Variants in SACS observed in about 807,000 individuals in gnomAD.
SACS encodes the protein sacsin molecular chaperone, also known as sacsin.
A neutral mutation model predicts 348.0 loss-of-function variants in SACS; 197 were observed. That is an observed-to-expected ratio of 0.57 (90% CI 0.50 to 0.64). The LOEUF (loss-of-function observed/expected upper bound fraction) is 0.64. Ranked by LOEUF, SACS falls within the 30% of genes least tolerant of loss-of-function variation. The pLI is 0.00. For synonymous variants in SACS, 1,985 were observed against 1,910.6 expected (o/e 1.04, Z -1.02); for missense variants, 4,999 against 5,360.8 (o/e 0.93, Z 2.11).
intron 5 of SACS, among the ~76,000 whole-genome samples, chr13:23,366,109 A>G (rs976411822): frequency 1.3e-5 from 2 of 152,168 alleles, no homozygotes; most frequent in African/African-American, 4.8e-5. Context: ...GAGCTTTTTT[A>G]CTTCCCCAGA....
At chr13:23,422,327 T>TGG (rs1873985753) in intron 1 of SACS, among the ~76,000 whole-genome samples, 6 of 152,220 alleles carry the variant, frequency 3.9e-5, no homozygotes, top group African/African-American at 1.4e-4. Context: ...GAATGTAACC[T>TGG]GTGTTTTTAT....
At chr13:23,403,483 G>A (rs1404960016) in intron 2 of SACS, among the ~76,000 whole-genome samples, 2 of 152,118 alleles carry the variant, frequency 1.3e-5, no homozygotes. Flanking sequence ...TCTTGGGAGG[G>A]TGTATATGTC....
At chr13:23,348,592 T>C (rs1423973316) in intron 9 of SACS, among the ~76,000 whole-genome samples, 4 of 152,186 alleles carry the variant, frequency 2.6e-5, no homozygotes, top group Non-Finnish European at 5.9e-5. Context: ...ATATGGACTA[T>C]GTACTGGGTT....
intron 2 of SACS, among the ~76,000 whole-genome samples, chr13:23,401,750 G>GCAAT (rs1162711312): frequency 2.6e-5 from 4 of 152,182 alleles, no homozygotes; most frequent in African/African-American, 9.7e-5. Flanking sequence ...AGAAGCATCT[G>GCAAT]CAATCACAGG....
At chr13:23,367,234 G>A (rs957534993) in intron 5 of SACS, among the ~76,000 whole-genome samples, 2 of 152,014 alleles carry the variant, frequency 1.3e-5, no homozygotes, top group South Asian at 2.1e-4. Flanking sequence ...TTTTGAATTC[G>A]CTTTCTGTGA....
intron 7 of SACS, among the ~76,000 whole-genome samples, chr13:23,357,599 T>A (rs1219577623): frequency 6.6e-6 from 1 of 152,214 alleles, no homozygotes; most frequent in Non-Finnish European, 1.5e-5. Flanking sequence ...CTGTGCAATC[T>A]TTCCTTCTCC....
chr13:23,416,927 A>G (rs1343805837), intron 1 of SACS, among the ~76,000 whole-genome samples: 1 of 152,130 alleles, frequency 6.6e-6, no homozygotes, highest in Non-Finnish European at 1.5e-5. Context: ...AGGGGAAGGA[A>G]GAGGGGAACA....
At chr13:23,380,241 G>A (rs1380722510) in intron 2 of SACS, among the ~76,000 whole-genome samples, 1 of 151,852 alleles carries the variant, frequency 6.6e-6, no homozygotes, top group Non-Finnish European at 1.5e-5. Flanking sequence ...ATGCTGACTG[G>A]GCAGCTGTCA....
chr13:23,374,102 T>TA (rs1871591577), intron 3 of SACS: 1 of 152,186 alleles, frequency 6.6e-6, no homozygotes, highest in Non-Finnish European at 1.5e-5. Context: ...CTGAACTCTT[T>TA]AAAAAAGTAA....
At chr13:23,391,693 T>C (rs1392703563) in intron 2 of SACS, among the ~76,000 whole-genome samples, 3 of 152,140 alleles carry the variant, frequency 2.0e-5, no homozygotes, top group Non-Finnish European at 4.4e-5. Context: ...GTTTCCCCCT[T>C]TGCACATAAA....
At chr13:23,387,662 T>A (rs1872352087) in intron 2 of SACS, among the ~76,000 whole-genome samples, 1 of 152,062 alleles carries the variant, frequency 6.6e-6, no homozygotes. Context: ...GCCATTCACC[T>A]GTGTAGGGTG....
chr13:23,426,872 G>C (rs1408413398), intron 1 of SACS: 2 of 152,118 alleles, frequency 1.3e-5, no homozygotes, highest in Non-Finnish European at 2.9e-5. Flanking sequence ...GCAGTTCCTG[G>C]GTTGAGTTTT....
At chr13:23,362,025 T>C (rs1454637996) in intron 6 of SACS, among the ~76,000 whole-genome samples, 6 of 152,346 alleles carry the variant, frequency 3.9e-5, no homozygotes, top group African/African-American at 1.4e-4. Flanking sequence ...CAGAAGTTGC[T>C]TATTGGAAAT....
intron 1 of SACS, among the ~76,000 whole-genome samples, chr13:23,412,318 A>G (rs1416377907): frequency 1.3e-5 from 2 of 151,358 alleles, no homozygotes; most frequent in African/African-American, 4.9e-5. Context: ...TGTTCCCTCT[A>G]TTTCTCTGAC....
In SACS at chr13:23,339,474, G is replaced by A. The variant is rs1868990854; in HGVS notation, c.4402C>T (p.Leu1468=). The change falls in exon 10 of 10, where the codon CTG becomes TTG. Residue 1468 remains leucine (L), a synonymous_variant. Coordinates refer to ENST00000382292, the MANE Select transcript of SACS (RefSeq NM_014363.6). ...TCTGACACTGAAGGGTATTCTTCCA[G>A]AATATTTTTAATTCTTACAGTAAGT... is the stretch of plus-strand genomic sequence containing the variant. The part of the protein sequence containing the change: ...EPLTVRIKNI[L]EEYPSVSDIF... The A allele has an allele frequency of 6.2e-7, 1 of 1,605,550 alleles. No homozygotes were observed.
At position 23,337,677 on chromosome 13, in the gene SACS, C is replaced by A. The variant is rs1398034781; in HGVS notation, c.6199G>T (p.Glu2067Ter). The change falls in exon 10 of 10, where the codon GAA (glutamate) becomes TAA (stop). Residue 2067 changes from glutamate to a stop codon, truncating the protein, a stop_gained. Transcript: ENST00000382292. LOFTEE classifies it high-confidence loss of function. ...FSEVFFPNIQ[E>*]IEAELRDPLM... ...GGATCTCTAAGTTCTGCTTCAATTT[C>A]TTGAATATTTGGAAAAAACACTTCA... The A allele has an allele frequency of 6.2e-7, 1 of 1,612,982 alleles. No individual in the cohort carries two copies. The highest frequency in any genetic ancestry group is 8.5e-7 in the Non-Finnish European group (1 of 1,179,762).
rs1396758480 is a variant in SACS at position 23,371,111 on chromosome 13, C to A, written c.226G>T (p.Val76Leu). ...DLTSKNCHLF[V>L]NLQSKGLKGG... is the part of the protein sequence containing the mutation. ...TTTAAGCCTTTTGATTGAAGGTTTA[C>A]AAAAAGATGACAATTTTTGGAAGTC... Residue 76 changes from valine (V) to leucine (L), a missense_variant, in exon 4 of 10, where the codon GTA (valine) becomes TTA (leucine). By Grantham distance (32) the Val-to-Leu change is conservative (BLOSUM62 1). Around this residue, in one of 6 missense-constraint regions of SACS, gnomAD observed 3,156 missense variants for 3,380.1 expected, o/e 0.93. Transcript: ENST00000382292. 9.3e-6 allele frequency: 15 copies of A among 1,610,540 alleles called. No individual in the cohort carries two copies. Among genetic ancestry groups the A allele is most frequent in the Non-Finnish European group, 1.2e-5 (14 of 1,177,504 alleles).
chr13:23,375,758 C>T (rs1871763804), intron 2 of SACS, among the ~76,000 whole-genome samples: 1 of 151,972 alleles, frequency 6.6e-6, no homozygotes, highest in Admixed American at 6.6e-5. Flanking sequence ...CCCCACTCGC[C>T]CACCAGGCTC....
intron 2 of SACS, among the ~76,000 whole-genome samples, chr13:23,410,496 G>A (rs963612417): frequency 6.6e-6 from 1 of 152,114 alleles, no homozygotes; most frequent in Admixed American, 6.6e-5. Context: ...ATATCAAGAC[G>A]TTTTATTTGT....
Sources: allele counts gnomAD v4.1 joint callset (sites outside exome capture counted in the v4.1 genomes callset), GRCh38; gene constraint gnomAD v4.1.1; regional missense constraint gnomAD v4.1.1; transcripts MANE v1.5; gene names NCBI Gene and HGNC (gene_info 2026-07-23, HGNC 2026-07-21).